CHRM5: variants seen among roughly 807,000 people sequenced by gnomAD.
The protein encoded by CHRM5 is cholinergic receptor muscarinic 5.
Under a neutral mutation model 39.0 loss-of-function variants are expected in CHRM5, and 18 were observed. The ratio of observed to expected loss-of-function variants is 0.46; its 90% confidence interval spans 0.32 to 0.68. The LOEUF (loss-of-function observed/expected upper bound fraction) is 0.68, where lower values mean the gene tolerates loss of function less well. CHRM5 is among the 30% of genes least tolerant of loss of function. The probability of loss-of-function intolerance (pLI) is 0.04; values close to 1 mark genes in which losing one functional copy is unlikely to be tolerated. For synonymous variants in CHRM5, 241 were observed against 246.3 expected, an observed-to-expected ratio of 0.98 and a Z score of 0.20; for missense variants, 515 against 651.1, an observed-to-expected ratio of 0.79 and a Z score of 2.28.
chr15:34,028,176 C>T (rs950782127), intron 1 of CHRM5, among the ~76,000 whole-genome samples: 1 of 152,168 alleles, frequency 6.6e-6, no homozygotes, highest in Non-Finnish European at 1.5e-5. Flanking sequence ...AAAGATAATA[C>T]ATATTCCATA....
intron 1 of CHRM5, among the ~76,000 whole-genome samples, chr15:34,008,707 C>T (rs1193749455): frequency 1.3e-5 from 2 of 151,918 alleles, no homozygotes; most frequent in Non-Finnish European, 2.9e-5. Context: ...CCAGGATAGT[C>T]TCAATCTCCT....
chr15:34,009,590 G>C (rs1216870215), intron 1 of CHRM5, among the ~76,000 whole-genome samples: 2 of 152,030 alleles, frequency 1.3e-5, no homozygotes, highest in African/African-American at 4.8e-5. Context: ...ACACTAAAGA[G>C]CTAGCATGAC....
At chr15:33,999,981 G>A (rs1223040633) in intron 1 of CHRM5, among the ~76,000 whole-genome samples, 1 of 152,060 alleles carries the variant, frequency 6.6e-6, no homozygotes, top group Non-Finnish European at 1.5e-5. Context: ...TGACCCCATC[G>A]CATATTCGCT....
intron 1 of CHRM5, among the ~76,000 whole-genome samples, chr15:34,020,688 C>G (rs1898164591): frequency 6.6e-6 from 1 of 152,216 alleles, no homozygotes; most frequent in African/African-American, 2.4e-5. Flanking sequence ...CATATCACAT[C>G]ATTCAAGCCC....
intron 2 of CHRM5, among the ~76,000 whole-genome samples, chr15:34,048,810 C>G (rs373735500): frequency 3.3e-5 from 5 of 152,136 alleles, no homozygotes; most frequent in African/African-American, 1.2e-4. Flanking sequence ...GGTCAGTATC[C>G]TCCTGGGATG....
chr15:34,040,128 T>C (rs1899404973), intron 1 of CHRM5, among the ~76,000 whole-genome samples: 1 of 152,082 alleles, frequency 6.6e-6, no homozygotes, highest in South Asian at 2.1e-4. Flanking sequence ...TTGCCTACTC[T>C]GCATCAGGCA....
chr15:34,064,022 CAA>C lies in CHRM5; in HGVS notation c.1307_1308del (p.Lys436ArgfsTer23), dbSNP rs1900442022. 6.2e-7 allele frequency: 1 copy of C among 1,614,020 alleles called. No homozygotes were observed. Among genetic ancestry groups the C allele is most frequent in the African/African-American group, 1.3e-5 (1 of 74,914 alleles). The stretch of plus-strand genomic sequence containing the variant: ...CCAAACGAAAGAGAGTGGTCCTAGT[CAA>C]AGAGAGGAAAGCAGCCCAGACACTG... ...MTKRKRVVLVKERKAAQTLSA... is the reference protein window; with the variant it reads ...MTKRKRVVLVXERKAAQTLSA... On this transcript the variant is annotated frameshift_variant, in exon 3 of 3. Transcript: ENST00000383263. LOFTEE classifies it high-confidence loss of function.
At chr15:33,980,640 G>T (rs1012943150) in intron 1 of CHRM5, among the ~76,000 whole-genome samples, 2 of 151,108 alleles carry the variant, frequency 1.3e-5, no homozygotes, top group African/African-American at 4.9e-5. Flanking sequence ...AAAGAAAAGG[G>T]AGTGACACAC....
chr15:34,029,861 C>T (rs12437606), intron 1 of CHRM5, among the ~76,000 whole-genome samples: 4,286 of 152,242 alleles, frequency 0.028, 168 homozygotes, highest in African/African-American at 0.077. Flanking sequence ...ATTTTATTAT[C>T]AGCCTTGTAG....
intron 1 of CHRM5, among the ~76,000 whole-genome samples, chr15:33,982,143 A>T (rs571459999): frequency 3.9e-4 from 60 of 152,240 alleles, no homozygotes; most frequent in Admixed American, 2.0e-3. Context: ...CTGGGATTAC[A>T]GGCATGAACC....
intron 1 of CHRM5, among the ~76,000 whole-genome samples, chr15:34,038,493 GC>G (rs928527648): frequency 1.3e-5 from 2 of 152,102 alleles, no homozygotes; most frequent in East Asian, 3.9e-4. Flanking sequence ...CACGGCCTTG[GC>G]CTCTGGGTTC....
At chr15:34,027,464 G>A (rs1898536406) in intron 1 of CHRM5, among the ~76,000 whole-genome samples, 3 of 151,868 alleles carry the variant, frequency 2.0e-5, no homozygotes, top group South Asian at 4.2e-4. Flanking sequence ...GGAAGGCAGA[G>A]GTTGCAGTGA....
chr15:34,019,724 C>T (rs1211381580), intron 1 of CHRM5, among the ~76,000 whole-genome samples: 1 of 152,170 alleles, frequency 6.6e-6, no homozygotes, highest in Non-Finnish European at 1.5e-5. Context: ...ACATGCTGTA[C>T]AGGTTTGTAG....
chr15:34,004,152 C>T (rs1897241926), intron 1 of CHRM5, among the ~76,000 whole-genome samples: 1 of 152,172 alleles, frequency 6.6e-6, no homozygotes, highest in Admixed American at 6.5e-5. Context: ...AAAAAGCTAG[C>T]ACAAAATCTT....
intron 1 of CHRM5, chr15:34,018,518 G>A (rs139333909): frequency 0.014 from 2,155 of 152,316 alleles, 45 homozygotes; most frequent in African/African-American, 0.048. Flanking sequence ...TGTTTCTCCC[G>A]GTGGGTTCGT....
At chr15:33,993,112 C>T (rs976812148) in intron 1 of CHRM5, among the ~76,000 whole-genome samples, 1 of 152,270 alleles carries the variant, frequency 6.6e-6, no homozygotes. Flanking sequence ...TTGAAAGGAA[C>T]AGACAATGCA....
At chr15:34,031,053 T>C (rs1898764742) in intron 1 of CHRM5, among the ~76,000 whole-genome samples, 1 of 152,088 alleles carries the variant, frequency 6.6e-6, no homozygotes, top group African/African-American at 2.4e-5. Context: ...GTCAGTAACT[T>C]GACACAGTTA....
chr15:33,971,151 A>G (rs1390033492), intron 1 of CHRM5, among the ~76,000 whole-genome samples: 1 of 152,054 alleles, frequency 6.6e-6, no homozygotes, highest in Admixed American at 6.6e-5. Flanking sequence ...TAGTACCTGA[A>G]GATTTGGTTT....
In CHRM5 at chr15:34,008,498, T is replaced by A. The variant is rs1242357247; in HGVS notation, c.-407-38042T>A. On this transcript the variant is annotated intron_variant, in intron 1 of 2. Coordinates refer to ENST00000383263, the MANE Select transcript of CHRM5 (RefSeq NM_012125.4). The stretch of plus-strand genomic sequence containing the variant: ...GATGAAAAACCTTTTTTTTTTTTTT[T>A]TTTTTTTTGAGACAGAGTCTTGCTC... Among the ~76,000 whole-genome samples, 43 of 82,340 alleles carry A rather than the reference T, an allele frequency of 5.2e-4. No homozygotes were observed. In the South Asian group the frequency reaches 0.017, roughly 32 times the overall value. The allele number at this position is 82,340 out of a possible 152,430, so 54.0% of individuals were successfully genotyped here.
Sources: gnomAD v4.1 joint callset for allele counts (sites outside exome capture counted in the v4.1 genomes callset) on GRCh38, gnomAD v4.1.1 for gene constraint, MANE v1.5 for transcripts, NCBI Gene and HGNC (gene_info 2026-07-23, HGNC 2026-07-21) for gene names.